CYP46A1: variants seen among roughly 807,000 people sequenced by gnomAD.
CYP46A1 encodes cholesterol 24-hydroxylase.
In CYP46A1, 20 loss-of-function variants were observed where a neutral mutation model predicts 63.3. That is an observed-to-expected ratio of 0.32 (90% CI 0.22 to 0.46). CYP46A1 has a LOEUF of 0.46. Among genes scored for constraint, CYP46A1 ranks in the 20% least tolerant of loss-of-function variants. CYP46A1 has a pLI of 1.00. For missense variants in CYP46A1, 445 were observed against 670.8 expected, an observed-to-expected ratio of 0.66 and a Z score of 3.72; for synonymous variants, 268 against 273.6, an observed-to-expected ratio of 0.98 and a Z score of 0.20.
chr14:99,693,679 G>A (rs1326900883), intron 3 of CYP46A1: 1 of 152,104 alleles, frequency 6.6e-6, no homozygotes, highest in Non-Finnish European at 1.5e-5. Flanking sequence ...AGTTTGTATG[G>A]GAGTGATGTT....
chr14:99,710,860 A>G (rs1277205928), intron 7 of CYP46A1: 1 of 152,222 alleles, frequency 6.6e-6, no homozygotes, highest in African/African-American at 2.4e-5. Flanking sequence ...TAGCTGCAGA[A>G]CATACATTCT....
At position 99,691,310 on chromosome 14, in the gene CYP46A1, G is replaced by A. The variant is rs943883; in HGVS notation, c.200+149G>A. The A allele has an allele frequency of 0.46, 331,916 of 725,034 alleles. 77,307 individuals carry two copies. The highest frequency in any genetic ancestry group is 0.54 in the Admixed American group (22,679 of 42,366). The allele number at this position is 725,034 out of a possible 1,614,324, so 44.9% of individuals were successfully genotyped here. ...GCAGTTCCTCCCCTGAGTGGAGGCA[G>A]GTGAGGCTGGCTTGGAAGCCATGCT... On this transcript the variant is annotated intron_variant, in intron 2 of 14. Transcript: ENST00000261835.
chr14:99,725,599 G>A lies in CYP46A1; in HGVS notation c.1265+120G>A, dbSNP rs2056888794. ...ACATAGCCTTCCAGATCCCTGTGAGGTGGTTGTGGAGGAAATCACAGCTCA... is the reference window on the plus strand; with the variant it reads ...ACATAGCCTTCCAGATCCCTGTGAGATGGTTGTGGAGGAAATCACAGCTCA... On this transcript the variant is annotated intron_variant, in intron 13 of 14. Coordinates refer to ENST00000261835, the MANE Select transcript of CYP46A1 (RefSeq NM_006668.2). This position sits in a 1 kb window ranked among gnomAD's most constrained non-coding sequence, Gnocchi z 4.2. The A allele has an allele frequency of 1.4e-6, 1 of 717,466 alleles. No homozygotes were observed. The highest frequency in any genetic ancestry group is 2.4e-6 in the Non-Finnish European group (1 of 414,678). The allele number at this position is 717,466 out of a possible 1,614,324, so 44.4% of individuals were successfully genotyped here.
intron 6 of CYP46A1, 105 bp from the exon 7 acceptor site, chr14:99,707,455 ATATAAACC>A: frequency 1.3e-6 from 1 of 769,416 alleles, no homozygotes; most frequent in Non-Finnish European, 2.2e-6. Context: ...GATATGATGC[ATATAAACC>A]CTTAGCCCAG....
At chr14:99,707,374 A>G (rs2056687091) in intron 6 of CYP46A1, among the ~76,000 whole-genome samples, 194 bp from the exon 7 acceptor site, 1 of 152,234 alleles carries the variant, frequency 6.6e-6, no homozygotes, top group Non-Finnish European at 1.5e-5. Context: ...TTGAGTAGCT[A>G]CTATGAGCTA....
At chr14:99,718,710 A>G (rs1295089772) in intron 10 of CYP46A1, among the ~76,000 whole-genome samples, 3 of 152,184 alleles carry the variant, frequency 2.0e-5, no homozygotes, top group African/African-American at 4.8e-5. Context: ...GAATGCACCA[A>G]CAGGCTGGGT....
chr14:99,723,002 C>T, intron 12 of CYP46A1: 1 of 416,032 alleles, frequency 2.4e-6, no homozygotes, highest in Non-Finnish European at 5.0e-6. Flanking sequence ...AAAGTGGCTG[C>T]ACCAACTTGG....
chr14:99,723,254 T>TGGG (rs1456313991), intron 12 of CYP46A1: 1 of 161,918 alleles, frequency 6.2e-6, no homozygotes, highest in Non-Finnish European at 1.4e-5. Flanking sequence ...CGTATTGCTA[T>TGGG]GTAGAGCGTT....
chr14:99,715,784 C>A lies in CYP46A1; in HGVS notation c.694-26C>A, dbSNP rs758987558. On this transcript the variant is annotated intron_variant, in intron 7 of 14. Coordinates refer to ENST00000261835, the MANE Select transcript of CYP46A1 (RefSeq NM_006668.2). ...GAGGGAACATGCGTGTTCACTTGGC[C>A]ATCTGGAGCTGAAACTCTTGTTTAG... The A allele has an allele frequency of 1.9e-6, 3 of 1,613,822 alleles. No individual in the cohort carries two copies. In the South Asian group the frequency reaches 3.3e-5, roughly 18 times the overall value.
chr14:99,719,737 A>C (rs553995589), intron 10 of CYP46A1, among the ~76,000 whole-genome samples: 1 of 148,574 alleles, frequency 6.7e-6, no homozygotes, highest in South Asian at 2.1e-4. Context: ...TATGTGTCAG[A>C]ACTCCCTTCC....
At chr14:99,711,515 A>G (rs938391696) in intron 7 of CYP46A1, 3 of 152,040 alleles carry the variant, frequency 2.0e-5, no homozygotes, top group African/African-American at 7.2e-5. Context: ...TACACTAACG[A>G]TTGGAAAACT....
chr14:99,725,406 A>G lies in CYP46A1; in HGVS notation c.1192A>G (p.Met398Val). 6.2e-7 allele frequency: 1 copy of G among 1,614,072 alleles called. No individual in the cohort carries two copies. The highest frequency in any genetic ancestry group is 8.5e-7 in the Non-Finnish European group (1 of 1,179,946). The change falls in exon 13 of 15, where the codon ATG becomes GTG. Residue 398 changes from methionine to valine, a missense_variant. By Grantham distance (21) the Met-to-Val change is conservative (BLOSUM62 1). This residue lies in a region of CYP46A1 where 95 missense variants were observed against 156.9 expected (regional missense o/e 0.61). Coordinates refer to ENST00000261835, the MANE Select transcript of CYP46A1 (RefSeq NM_006668.2). The surrounding 1 kb of genome is among the most constrained non-coding windows in gnomAD (Gnocchi z 4.2). ...TTGCCCGCAGTTCAGCACCTATGTC[A>G]TGGGGCGGATGGACACATACTTTGA... ...NTPLLFSTYV[M>V]GRMDTYFEDP... is the part of the protein sequence containing the mutation.
chr14:99,724,167 G>T (rs917978515), intron 12 of CYP46A1, among the ~76,000 whole-genome samples: 1 of 152,146 alleles, frequency 6.6e-6, no homozygotes, highest in Non-Finnish European at 1.5e-5. Context: ...TAATTACCTC[G>T]TTAAAGACCT....
chr14:99,687,388 G>A (rs1033035297), intron 1 of CYP46A1, among the ~76,000 whole-genome samples: 13 of 152,206 alleles, frequency 8.5e-5, no homozygotes, highest in Non-Finnish European at 1.0e-4. Context: ...GTTCCACTCC[G>A]ATTTGCCCAG....
chr14:99,700,197 A>T, intron 5 of CYP46A1, 96 bp downstream of exon 5: 1 of 822,660 alleles, frequency 1.2e-6, no homozygotes, highest in South Asian at 1.9e-5. Flanking sequence ...GTGTCCACCC[A>T]AGGGGGCCTC....
rs2056882882 is a variant in CYP46A1, at chr14:99,725,039, G to A, written c.1177-352G>A. ...GAGTCAGATCTGAGTTTGAATCCCG[G>A]TTTGGCCATTTATTTGCCTGGTGAC... On this transcript the variant is annotated intron_variant, in intron 12 of 14. Coordinates refer to ENST00000261835, the MANE Select transcript of CYP46A1 (RefSeq NM_006668.2). This position sits in a 1 kb window ranked among gnomAD's most constrained non-coding sequence, Gnocchi z 4.2. Among the ~76,000 whole-genome samples the A allele has an allele frequency of 6.6e-6, 1 of 152,202 alleles. No homozygotes were observed. Among genetic ancestry groups the A allele is most frequent in the Non-Finnish European group, 1.5e-5 (1 of 68,046 alleles).
At chr14:99,717,138 C>T (rs897025625) in intron 9 of CYP46A1, among the ~76,000 whole-genome samples, 1 of 152,166 alleles carries the variant, frequency 6.6e-6, no homozygotes, top group African/African-American at 2.4e-5. Context: ...CAGCTGGGAA[C>T]CCAGGTCCTG....
At chr14:99,700,273 G>GA (rs2056620056) in intron 5 of CYP46A1, among the ~76,000 whole-genome samples, 172 bp downstream of exon 5, 1 of 152,106 alleles carries the variant, frequency 6.6e-6, no homozygotes, top group South Asian at 2.1e-4. Flanking sequence ...GGGAGAGAGA[G>GA]AGAGAGACAG....
chr14:99,684,998 C>T (rs1192116443), intron 1 of CYP46A1, among the ~76,000 whole-genome samples: 3 of 151,542 alleles, frequency 2.0e-5, no homozygotes, highest in Non-Finnish European at 4.4e-5. Context: ...TATTTCTGTT[C>T]TGGGACACCC....
Sources: allele counts gnomAD v4.1 joint callset (sites outside exome capture counted in the v4.1 genomes callset), GRCh38; gene constraint gnomAD v4.1.1; regional missense constraint gnomAD v4.1.1; non-coding constraint Gnocchi (gnomAD v3.1); transcripts MANE v1.5; gene names NCBI Gene and HGNC (gene_info 2026-07-23, HGNC 2026-07-21).